ANKFN1: variants seen among roughly 807,000 people sequenced by gnomAD.
ANKFN1 encodes ankyrin repeat and fibronectin type III domain containing 1, also known as ankyrin repeat and fibronectin type-III domain-containing protein 1.
A neutral mutation model predicts 108.7 loss-of-function variants in ANKFN1; 74 were observed. The ratio of observed to expected loss-of-function variants is 0.68; its 90% CI spans 0.56 to 0.83. The LOEUF is 0.83. Among genes scored for constraint, ANKFN1 ranks in the 40% least tolerant of loss-of-function variants. The pLI, the probability that ANKFN1 is intolerant of heterozygous loss-of-function variation, is 0.00. For missense variants in ANKFN1, 1,505 were observed against 1,382.3 expected (o/e 1.09, Z -1.41); for synonymous variants, 547 against 516.2 (o/e 1.06, Z -0.81).
At chr17:56,244,720 G>A (rs1471366948) in intron 3 of ANKFN1, among the ~76,000 whole-genome samples, 1 of 152,136 alleles carries the variant, frequency 6.6e-6, no homozygotes, top group East Asian at 1.9e-4. Context: ...TACTTACTAA[G>A]AGTACCAGCA....
intron 3 of ANKFN1, among the ~76,000 whole-genome samples, chr17:56,282,071 G>A (rs1422674269): frequency 6.6e-6 from 1 of 152,112 alleles, no homozygotes; most frequent in Non-Finnish European, 1.5e-5. Context: ...TAGCCCCAAA[G>A]TGAAAGCAAC....
At chr17:56,357,082 G>T (rs1441397240) in intron 6 of ANKFN1, among the ~76,000 whole-genome samples, 1 of 152,096 alleles carries the variant, frequency 6.6e-6, no homozygotes, top group African/African-American at 2.4e-5. Flanking sequence ...TGGGATGATA[G>T]CCATGTTACC....
chr17:56,133,391 A>G, intron 4 of ANKFN1, among the ~76,000 whole-genome samples: 1 of 152,180 alleles, frequency 6.6e-6, no homozygotes. Context: ...TTCAAACAAA[A>G]GCAATAAAAC....
At chr17:56,091,361 G>A (rs1905413344) in intron 4 of ANKFN1, among the ~76,000 whole-genome samples, 1 of 143,782 alleles carries the variant, frequency 7.0e-6, no homozygotes, top group Non-Finnish European at 1.5e-5. Context: ...AAATGAATAG[G>A]GTTTATTTAT....
At chr17:56,451,508 T>G (rs560191980) in intron 11 of ANKFN1, among the ~76,000 whole-genome samples, 196 of 152,312 alleles carry the variant, frequency 1.3e-3, no homozygotes, top group African/African-American at 4.6e-3. Flanking sequence ...AAATACTATG[T>G]GGTTTATTGG....
intron 3 of ANKFN1, among the ~76,000 whole-genome samples, chr17:56,303,611 A>T (rs2044732875): frequency 6.6e-6 from 1 of 152,026 alleles, no homozygotes; most frequent in African/African-American, 2.4e-5. Context: ...TAAGCTTCTT[A>T]TTTTGAGATA....
intron 3 of ANKFN1, among the ~76,000 whole-genome samples, chr17:56,235,302 T>C (rs913218356): frequency 2.0e-5 from 3 of 152,168 alleles, no homozygotes; most frequent in Non-Finnish European, 4.4e-5. Context: ...ATGCTGTAGA[T>C]TGTCTGTTTA....
At chr17:56,379,126 C>T (rs142435898) in intron 8 of ANKFN1, among the ~76,000 whole-genome samples, 2,928 of 152,190 alleles carry the variant, frequency 0.019, 81 homozygotes, top group African/African-American at 0.065. Flanking sequence ...AGGCCGGGCG[C>T]GGTGGTTCAT....
chr17:56,319,671 T>A (rs1213600291), intron 3 of ANKFN1, among the ~76,000 whole-genome samples: 1 of 152,136 alleles, frequency 6.6e-6, no homozygotes, highest in Non-Finnish European at 1.5e-5. Flanking sequence ...GGCCTAGGGA[T>A]TGGTCATAAG....
chr17:56,324,663 T>C (rs2045466388), intron 3 of ANKFN1, among the ~76,000 whole-genome samples: 1 of 152,300 alleles, frequency 6.6e-6, no homozygotes, highest in Middle Eastern at 3.4e-3. Flanking sequence ...TCTTAATCCT[T>C]GATGAAAAAC....
chr17:56,153,281 C>G (rs563512114), upstream of ANKFN1, among the ~76,000 whole-genome samples: 1 of 152,302 alleles, frequency 6.6e-6, no homozygotes, highest in East Asian at 1.9e-4. Context: ...TCTTTGAAAA[C>G]GATTTCTTTG....
intron 3 of ANKFN1, among the ~76,000 whole-genome samples, chr17:56,263,608 CA>C (rs2043575982): frequency 6.6e-6 from 1 of 152,192 alleles, no homozygotes; most frequent in Non-Finnish European, 1.5e-5. Context: ...TCTCCAAAAG[CA>C]ATTTGTAGCT....
chr17:56,202,148 G>A (rs1220982935), intron 1 of ANKFN1, among the ~76,000 whole-genome samples: 2 of 152,214 alleles, frequency 1.3e-5, no homozygotes, highest in Non-Finnish European at 2.9e-5. Flanking sequence ...ATACAACAGA[G>A]CAGCGGGAGA....
chr17:56,427,618 G>A (rs1425052988), intron 8 of ANKFN1, among the ~76,000 whole-genome samples: 2 of 151,998 alleles, frequency 1.3e-5, no homozygotes, highest in Non-Finnish European at 2.9e-5. Context: ...GGCCCCTGGG[G>A]AAAGGGGACA....
At chr17:56,277,674 G>A (rs1316198965) in intron 3 of ANKFN1, among the ~76,000 whole-genome samples, 1 of 152,108 alleles carries the variant, frequency 6.6e-6, no homozygotes, top group African/African-American at 2.4e-5. Context: ...CTCCATATTA[G>A]CCATAGTGTA....
chr17:56,250,800 A>T (rs2043216928), intron 3 of ANKFN1, among the ~76,000 whole-genome samples: 1 of 152,204 alleles, frequency 6.6e-6, no homozygotes, highest in Non-Finnish European at 1.5e-5. Flanking sequence ...ATTACTTTTT[A>T]ACAATTTGGA....
intron 8 of ANKFN1, among the ~76,000 whole-genome samples, chr17:56,410,528 T>C (rs984391738): frequency 6.6e-5 from 10 of 152,360 alleles, no homozygotes; most frequent in African/African-American, 2.4e-4. Context: ...CTTATTGTTT[T>C]GTGGTGAGGA....
chr17:56,444,494 A>G (rs2145179317), intron 10 of ANKFN1, among the ~76,000 whole-genome samples: 1 of 152,262 alleles, frequency 6.6e-6, no homozygotes, highest in South Asian at 2.1e-4. Context: ...GGGCTTTCAC[A>G]TTCAGTATCT....
At chr17:56,221,202 A>G (rs1915873231) in intron 2 of ANKFN1, among the ~76,000 whole-genome samples, 1 of 152,172 alleles carries the variant, frequency 6.6e-6, no homozygotes, top group South Asian at 2.1e-4. Context: ...GGACAGTACC[A>G]AGAGATGGTA....
Sources: gnomAD v4.1 joint callset for allele counts (sites outside exome capture counted in the v4.1 genomes callset) on GRCh38, gnomAD v4.1.1 for gene constraint, MANE v1.5 for transcripts, NCBI Gene and HGNC (gene_info 2026-07-23, HGNC 2026-07-21) for gene names.